MYO5C: variants seen among roughly 807,000 people sequenced by gnomAD.
The protein encoded by MYO5C is myosin VC.
Under a neutral mutation model 235.7 loss-of-function variants are expected in MYO5C, and 194 were observed. The ratio of observed to expected loss-of-function variants is 0.82; its 90% CI spans 0.73 to 0.93. The LOEUF (loss-of-function observed/expected upper bound fraction) is 0.93. Ranked by LOEUF, MYO5C falls within the 40% of genes least tolerant of loss-of-function variation. The probability of loss-of-function intolerance (pLI) is 0.00; values close to 1 mark genes in which losing one functional copy is unlikely to be tolerated. For synonymous variants in MYO5C, 707 were observed against 754.8 expected (o/e 0.94, Z 1.04); for missense variants, 2,038 against 2,127.2 (o/e 0.96, Z 0.82).
intron 12 of MYO5C, among the ~76,000 whole-genome samples, chr15:52,251,969 G>C (rs188649227): frequency 3.9e-5 from 6 of 152,034 alleles, no homozygotes; most frequent in Non-Finnish European, 7.4e-5. Flanking sequence ...CCTGGCCTTA[G>C]AGGCTTTTAA....
intron 24 of MYO5C, among the ~76,000 whole-genome samples, chr15:52,230,882 C>A (rs561286963): frequency 7.0e-6 from 1 of 142,390 alleles, no homozygotes; most frequent in African/African-American, 2.7e-5. Flanking sequence ...GGCAGGAGTG[C>A]GGTGGTGCAA....
chr15:52,238,803 G>A (rs1168253371), intron 21 of MYO5C, among the ~76,000 whole-genome samples: 1 of 151,368 alleles, frequency 6.6e-6, no homozygotes, highest in African/African-American at 2.4e-5. Context: ...CACCACGCCC[G>A]GCTAATTTTT....
chr15:52,211,985 GAC>G (rs2035451557), intron 34 of MYO5C, 101 bp from the exon 35 acceptor site: 1 of 1,216,392 alleles, frequency 8.2e-7, no homozygotes, highest in African/African-American at 1.5e-5. Context: ...TTCTGTGCTT[GAC>G]ACAGTGCCTG....
At chr15:52,272,347 C>G (rs1013377479) in intron 6 of MYO5C, among the ~76,000 whole-genome samples, 21 of 152,082 alleles carry the variant, frequency 1.4e-4, no homozygotes, top group Admixed American at 1.2e-3. Flanking sequence ...TTGTAAATCC[C>G]CCAAATTAAA....
chr15:52,269,817 A>ATTCTT lies in MYO5C; in HGVS notation c.875_876insAAGAA (p.Val293ArgfsTer7). On this transcript the variant is annotated frameshift_variant, in exon 8 of 41. Coordinates refer to ENST00000261839, the MANE Select transcript of MYO5C (RefSeq NM_018728.4). LOFTEE classifies it high-confidence loss of function. ...CTCGATCATTCACACCCTCAATGAC[A>ATTCTT]GTATTGCCTCCCATTCTTGTATAAT... 2 of 1,613,806 alleles carry ATTCTT rather than the reference A, an allele frequency of 1.2e-6. No homozygotes were observed. Among genetic ancestry groups the ATTCTT allele is most frequent in the Non-Finnish European group, 1.7e-6 (2 of 1,179,832 alleles).
chr15:52,286,517 A>G (rs1455259867), intron 1 of MYO5C, among the ~76,000 whole-genome samples: 1 of 152,194 alleles, frequency 6.6e-6, no homozygotes, highest in Non-Finnish European at 1.5e-5. Flanking sequence ...AGGTGGGGAA[A>G]AGATTGAGAA....
intron 12 of MYO5C, among the ~76,000 whole-genome samples, chr15:52,252,724 G>C (rs1020375307): frequency 2.0e-5 from 3 of 151,388 alleles, no homozygotes; most frequent in Non-Finnish European, 4.4e-5. Flanking sequence ...GCAGTGAGCC[G>C]AGATGGCACC....
chr15:52,235,524 A>G (rs1484303483), intron 23 of MYO5C, 146 bp downstream of exon 23: 1 of 553,264 alleles, frequency 1.8e-6, no homozygotes, highest in Non-Finnish European at 3.2e-6. Flanking sequence ...CCACGACTTA[A>G]ATATGGCTAT....
At position 52,213,070 on chromosome 15, in the gene MYO5C, G is replaced by A. The variant is rs868680566; in HGVS notation, c.4141+118C>T. The A allele has an allele frequency of 1.3e-5, 9 of 695,414 alleles. No homozygotes were observed. The South Asian group carries it at 1.3e-4, about 10-fold the overall frequency. The allele number at this position is 695,414 out of a possible 1,614,324, so 43.1% of individuals were successfully genotyped here. A position where few individuals can be genotyped will look rare whatever the true frequency, so the allele number is the denominator to read the frequency against. ...TGAGGTTGAGAAACTCTGGGCTGGGGGAAGAAGCAGTGGAAGAAAAAGTAG... is the reference window on the plus strand; with the variant it reads ...TGAGGTTGAGAAACTCTGGGCTGGGAGAAGAAGCAGTGGAAGAAAAAGTAG... On this transcript the variant is annotated intron_variant, in intron 34 of 40. Coordinates refer to ENST00000261839, the MANE Select transcript of MYO5C (RefSeq NM_018728.4).
chr15:52,256,562 AACACAC>A (rs373248361), intron 11 of MYO5C, 71 bp downstream of exon 11: 20 of 632,326 alleles, frequency 3.2e-5, no homozygotes, highest in South Asian at 2.0e-4. Context: ...TCTTTCCACG[AACACAC>A]ACACACACAC....
chr15:52,268,867 C>T (rs1307388763), intron 8 of MYO5C, among the ~76,000 whole-genome samples: 1 of 152,238 alleles, frequency 6.6e-6, no homozygotes, highest in Non-Finnish European at 1.5e-5. Context: ...GTGCAAAAGC[C>T]AGTTCCACTC....
Position 52,219,831 on chromosome 15 carries a change from A to G in MYO5C, c.3722-9T>C. 1 of 1,606,784 alleles carries G rather than the reference A, an allele frequency of 6.2e-7. No homozygotes were observed. Among genetic ancestry groups the G allele is most frequent in the South Asian group, 1.1e-5 (1 of 90,346 alleles). ...CAATTCTTCTAGTTTTCCTATAATG[A>G]GAAGAACTGTCAGTACTTTGGGGGG... On this transcript the variant is annotated splice_polypyrimidine_tract_variant and intron_variant, in intron 30 of 40. Coordinates refer to ENST00000261839, the MANE Select transcript of MYO5C (RefSeq NM_018728.4).
chr15:52,292,986 G>T (rs1294794305), intron 1 of MYO5C, among the ~76,000 whole-genome samples: 1 of 152,256 alleles, frequency 6.6e-6, no homozygotes, highest in Admixed American at 6.5e-5. Context: ...GGACCTCGTG[G>T]CTGGTCAGTG....
chr15:52,283,471 C>T (rs1296570523), intron 1 of MYO5C, among the ~76,000 whole-genome samples: 1 of 152,198 alleles, frequency 6.6e-6, no homozygotes, highest in Non-Finnish European at 1.5e-5. Flanking sequence ...CACAGCCACC[C>T]AGCTCAATTC....
intron 7 of MYO5C, among the ~76,000 whole-genome samples, chr15:52,271,033 AT>A (rs1264301227): frequency 3.9e-5 from 6 of 152,212 alleles, no homozygotes; most frequent in African/African-American, 1.4e-4. Flanking sequence ...CTGGAATATA[AT>A]TAATTATGAC....
chr15:52,248,925 T>C, intron 13 of MYO5C, 142 bp from the exon 14 acceptor site: 1 of 630,234 alleles, frequency 1.6e-6, no homozygotes, highest in Non-Finnish European at 2.8e-6. Flanking sequence ...CTTCTGTGCA[T>C]CATGGCAGCA....
chr15:52,254,784 T>G (rs896025426), intron 11 of MYO5C, among the ~76,000 whole-genome samples: 1 of 152,074 alleles, frequency 6.6e-6, no homozygotes, highest in Non-Finnish European at 1.5e-5. Context: ...AGTGTCACTT[T>G]GAGGTTAAGG....
At chr15:52,295,492 C>T in intron 1 of MYO5C, 118 bp downstream of exon 1, 3 of 1,225,566 alleles carry the variant, frequency 2.4e-6, no homozygotes, top group Non-Finnish European at 3.2e-6. Flanking sequence ...GCGCGCCCGC[C>T]CGCCCTGCCG....
rs1024034983 is a variant in MYO5C, at chr15:52,232,746, GTTATGT to G, written c.2963-67_2963-62del. The G allele has an allele frequency of 2.1e-6, 3 of 1,429,886 alleles. No homozygotes were observed. In the African/African-American group the frequency reaches 4.2e-5, roughly 20 times the overall value. 88.6% of individuals were successfully genotyped at this position (1,429,886 alleles called of 1,614,324 possible). On this transcript the variant is annotated intron_variant, in intron 23 of 40. Transcript: ENST00000261839. Reference sequence around the variant, plus strand: ...CAAATCAATGCCTTGATTGTTTCATGTTATGTTTAAGAAAGTGAGAATGTCAGGACA... The same window carrying G: ...CAAATCAATGCCTTGATTGTTTCATGTTAAGAAAGTGAGAATGTCAGGACA...
Sources: allele counts gnomAD v4.1 joint callset (sites outside exome capture counted in the v4.1 genomes callset), GRCh38; gene constraint gnomAD v4.1.1; transcripts MANE v1.5; gene names NCBI Gene and HGNC (gene_info 2026-07-23, HGNC 2026-07-21).